ACADVL: variants seen among roughly 807,000 people sequenced by gnomAD.
ACADVL encodes acyl-CoA dehydrogenase very long chain, also known as very long-chain acyl-CoA dehydrogenase, mitochondrial.
A neutral mutation model predicts 80.4 loss-of-function variants in ACADVL; 73 were observed. That is an observed-to-expected ratio of 0.91 (90% CI 0.75 to 1.10). The LOEUF is 1.10. Ranked by LOEUF, ACADVL falls within the 50% of genes least tolerant of loss-of-function variation. The pLI, the probability that ACADVL is intolerant of heterozygous loss-of-function variation, is 0.00. For missense variants in ACADVL, 878 were observed against 858.9 expected (o/e 1.02, Z -0.28); for synonymous variants, 392 against 326.5 (o/e 1.20, Z -2.16).
intron 10 of ACADVL, 51 bp downstream of exon 10, chr17:7,222,916 C>A: frequency 6.3e-7 from 1 of 1,594,682 alleles, no homozygotes; most frequent in Non-Finnish European, 8.5e-7. Flanking sequence ...GTCTCACTGT[C>A]CCCCTTGCCA....
Position 7,221,958 on chromosome 17 carries a change from CTG to C in ACADVL, c.632_633del (p.Val211GlyfsTer41), listed in dbSNP as rs1489679976. ...GTAGCTCTCTCCCCAACAGGGGAGACTGTGGCCGCTTTCTGTCTAACCGAGCC... is the reference window on the plus strand; with the variant it reads ...GTAGCTCTCTCCCCAACAGGGGAGACTGGCCGCTTTCTGTCTAACCGAGCC... On this transcript the variant is annotated frameshift_variant, in exon 8 of 20. Coordinates refer to ENST00000356839, the MANE Select transcript of ACADVL (RefSeq NM_000018.4). LOFTEE classifies it high-confidence loss of function. 2.5e-6 allele frequency: 4 copies of C among 1,614,094 alleles called. No individual in the cohort carries two copies. The highest frequency in any genetic ancestry group is 1.1e-5 in the South Asian group (1 of 91,084).
chr17:7,220,165 G>A lies in ACADVL; in HGVS notation c.106G>A (p.Ala36Thr). The change falls in exon 2 of 20, where the codon GCC becomes ACC. Residue 36 changes from alanine (A) to threonine (T), a missense_variant. Transcript: ENST00000356839. ...ALLGQPRPGP[A>T]RRPYAGGAAQ... ...CCTGGGGCAGCCCCGGCCCGGCCCTGCCCGGCGGCCCTATGCCGGGGGTGC... is the reference window on the plus strand; with the variant it reads ...CCTGGGGCAGCCCCGGCCCGGCCCTACCCGGCGGCCCTATGCCGGGGGTGC... 6.5e-7 allele frequency: 1 copy of A among 1,538,812 alleles called. No individual in the cohort carries two copies. Among genetic ancestry groups the A allele is most frequent in the Non-Finnish European group, 8.7e-7 (1 of 1,148,644 alleles).
Position 7,222,877 on chromosome 17 carries a change from G to A in ACADVL, c.1077+12G>A. On this transcript the variant is annotated intron_variant, in intron 10 of 19. Coordinates refer to ENST00000356839, the MANE Select transcript of ACADVL (RefSeq NM_000018.4). ...TCATTGCTAAGGCGGTGAGTACCCTGCCCGAGTCCCTAGGTAACCCAAACA... is the reference window on the plus strand; with the variant it reads ...TCATTGCTAAGGCGGTGAGTACCCTACCCGAGTCCCTAGGTAACCCAAACA... The A allele has an allele frequency of 6.2e-7, 1 of 1,609,770 alleles. No homozygotes were observed. Among genetic ancestry groups the A allele is most frequent in the Non-Finnish European group, 8.5e-7 (1 of 1,179,926 alleles).
At chr17:7,219,685 C>T, upstream of ACADVL, 2 of 1,354,410 alleles carry the variant, frequency 1.5e-6, no homozygotes, top group Non-Finnish European at 1.9e-6. Flanking sequence ...TGACTTAAGC[C>T]CCTTCCTCTT....
upstream of ACADVL, chr17:7,219,598 TC>T: frequency 2.6e-6 from 3 of 1,167,068 alleles, no homozygotes; most frequent in Non-Finnish European, 3.2e-6. Context: ...ACCTTACACT[TC>T]TCTTTCCCTA....
chr17:7,223,000 T>G, intron 10 of ACADVL, 133 bp from the exon 11 acceptor site: 1 of 1,439,200 alleles, frequency 6.9e-7, no homozygotes, highest in Non-Finnish European at 9.7e-7. Context: ...CTTGCTAGCT[T>G]AGGTCTCCAT....
chr17:7,221,924 T>C, intron 7 of ACADVL, 28 bp from the exon 8 acceptor site: 1 of 1,613,930 alleles, frequency 6.2e-7, no homozygotes, highest in Non-Finnish European at 8.5e-7. Context: ...CATCAGAACT[T>C]GGGGTAAAGT....
Position 7,220,984 on chromosome 17 carries a change from G to T in ACADVL, c.403G>T (p.Gly135Cys), listed in dbSNP as rs1001412868. The T allele has an allele frequency of 1.2e-6, 2 of 1,613,908 alleles. No homozygotes were observed. Among genetic ancestry groups the T allele is most frequent in the African/African-American group, 2.7e-5 (2 of 74,890 alleles). Residue 135 changes from glycine to cysteine, a missense_variant, in exon 6 of 20, where the codon GGC becomes TGC. Coordinates refer to ENST00000356839, the MANE Select transcript of ACADVL (RefSeq NM_000018.4). ...GATGGTGGAGGAGACCACTTGGCAGGGCCTCAAGGAGCTGGGGGCCTTTGG... is the reference window on the plus strand; with the variant it reads ...GATGGTGGAGGAGACCACTTGGCAGTGCCTCAAGGAGCTGGGGGCCTTTGG... ...LEMVEETTWQ[G>C]LKELGAFGLQ...
chr17:7,224,742 G>A, intron 18 of ACADVL, 28 bp downstream of exon 18: 2 of 1,611,206 alleles, frequency 1.2e-6, no homozygotes, highest in African/African-American at 2.7e-5. Flanking sequence ...GAATGCCTGA[G>A]CCGCAGGGGG....
upstream of ACADVL, chr17:7,219,569 GTC>G: frequency 9.0e-7 from 1 of 1,115,024 alleles, no homozygotes; most frequent in Non-Finnish European, 1.1e-6. Flanking sequence ...GTCTTTCCAT[GTC>G]TCTGCCTCTG....
At chr17:7,224,578 C>T in intron 17 of ACADVL, 26 bp downstream of exon 17, 3 of 1,607,232 alleles carry the variant, frequency 1.9e-6, no homozygotes, top group Non-Finnish European at 2.5e-6. Flanking sequence ...ACCATTCCGC[C>T]CCTCCCTTTC....
chr17:7,223,313 A>T, intron 11 of ACADVL, 76 bp downstream of exon 11: 3 of 1,340,268 alleles, frequency 2.2e-6, no homozygotes, highest in Non-Finnish European at 3.2e-6. Flanking sequence ...AACCCCCAGC[A>T]GCACCTGGGG....
Position 7,224,938 on chromosome 17 carries a change from C to T in ACADVL, c.1828-19C>T. 6.2e-7 allele frequency: 1 copy of T among 1,613,954 alleles called. No individual in the cohort carries two copies. The highest frequency in any genetic ancestry group is 8.5e-7 in the Non-Finnish European group (1 of 1,179,984). On this transcript the variant is annotated intron_variant, in intron 19 of 19. Transcript: ENST00000356839. ...GAGGGCTGGAGGTGCAGGCCCAACC[C>T]CTCCTTCCCTCTCCCCAGGCTGCAG...
At chr17:7,222,412 G>A in intron 9 of ACADVL, 110 bp downstream of exon 9, 1 of 1,487,532 alleles carries the variant, frequency 6.7e-7, no homozygotes. Context: ...CAAAGCAGGT[G>A]GACTGAATGT....
At position 7,220,538 on chromosome 17, in the gene ACADVL, C is replaced by G; in HGVS notation, c.204+9C>G. ...AAAAACCGGCCAAGGCGGTAGGTAG[C>G]CCCGAGGCCAGGTGGACCTTAGCCA... On this transcript the variant is annotated intron_variant, in intron 3 of 19. Transcript: ENST00000356839. The G allele has an allele frequency of 6.2e-7, 1 of 1,614,226 alleles. No individual in the cohort carries two copies. Among genetic ancestry groups the G allele is most frequent in the Non-Finnish European group, 8.5e-7 (1 of 1,180,034 alleles).
At position 7,224,802 on chromosome 17, in the gene ACADVL, C is replaced by T; in HGVS notation, c.1752-7C>T. 6.2e-7 allele frequency: 1 copy of T among 1,614,066 alleles called. No individual in the cohort carries two copies. The highest frequency in any genetic ancestry group is 8.5e-7 in the Non-Finnish European group (1 of 1,180,032). On this transcript the variant is annotated splice_region_variant and splice_polypyrimidine_tract_variant and intron_variant, in intron 18 of 19. Transcript: ENST00000356839. ...CAGATTTATTTTCATCTCCTGCTTC[C>T]TGCCAGGGCCTCAAGATCCCTGAGT...
At chr17:7,217,952 T>C (rs2071011777), upstream of ACADVL, 4 of 848,168 alleles carry the variant, frequency 4.7e-6, no homozygotes, top group Non-Finnish European at 7.3e-6. Context: ...AAGGAGGCAA[T>C]CCCTGGGGGC....
intron 7 of ACADVL, 71 bp downstream of exon 7, chr17:7,221,753 CTTAGA>C (rs2071239275): frequency 1.9e-6 from 3 of 1,608,902 alleles, no homozygotes. Flanking sequence ...CCAGTTGGCA[CTTAGA>C]TTATCAGATG....
rs1435159961 is a variant in ACADVL, at chr17:7,225,254, T to G, written c.*157T>G. On this transcript the variant is annotated 3_prime_UTR_variant, in exon 20 of 20. Coordinates refer to ENST00000356839, the MANE Select transcript of ACADVL (RefSeq NM_000018.4). The stretch of plus-strand genomic sequence containing the variant: ...TTACTGCCTCGCAAATAATAAAAAT[T>G]TCTAGCCAGTCATGCTTTGCTCCTG... The G allele has an allele frequency of 4.0e-6, 4 of 991,882 alleles. No homozygotes were observed. Among genetic ancestry groups the G allele is most frequent in the East Asian group, 2.6e-5 (1 of 38,686 alleles). 61.4% of individuals were successfully genotyped at this position (991,882 alleles called of 1,614,324 possible).
Sources: gnomAD v4.1 joint callset for allele counts on GRCh38, gnomAD v4.1.1 for gene constraint, MANE v1.5 for transcripts, NCBI Gene and HGNC (gene_info 2026-07-23, HGNC 2026-07-21) for gene names.